Variants in MMP26 observed in about 807,000 individuals in gnomAD.
MMP26 encodes matrix metalloproteinase-26.
A neutral mutation model predicts 31.0 loss-of-function variants in MMP26; 33 were observed. The ratio of observed to expected loss-of-function variants is 1.06; its 90% confidence interval spans 0.81 to 1.42. The LOEUF (loss-of-function observed/expected upper bound fraction) is 1.42, where lower values mean the gene tolerates loss of function less well. Ranked by LOEUF, MMP26 falls within the 40% of genes most tolerant of loss-of-function variation. The pLI is 0.00. For missense variants in MMP26, 347 were observed against 316.1 expected (o/e 1.10, Z -0.74); for synonymous variants, 122 against 114.9 (o/e 1.06, Z -0.40).
At chr11:4,805,452 A>C (rs1410920817) in intron 2 of MMP26, among the ~76,000 whole-genome samples, 2 of 152,210 alleles carry the variant, frequency 1.3e-5, no homozygotes, top group Non-Finnish European at 2.9e-5. Flanking sequence ...TCAACACATA[A>C]ATGTGTGAGT....
At chr11:4,751,615 T>C (rs980809556) in intron 1 of MMP26, among the ~76,000 whole-genome samples, 2 of 152,176 alleles carry the variant, frequency 1.3e-5, no homozygotes, top group African/African-American at 4.8e-5. Flanking sequence ...AAAGAAAGTT[T>C]AAGCCTAAAT....
chr11:4,901,816 G>T (rs1023122994), intron 2 of MMP26, among the ~76,000 whole-genome samples: 1 of 151,962 alleles, frequency 6.6e-6, no homozygotes, highest in East Asian at 1.9e-4. Context: ...TTTCATGCTC[G>T]TCTACCTGAT....
chr11:4,712,899 A>G (rs1050209481), intron 1 of MMP26, among the ~76,000 whole-genome samples: 2 of 151,798 alleles, frequency 1.3e-5, no homozygotes, highest in African/African-American at 2.4e-5. Flanking sequence ...ACTATGGTCT[A>G]TACATTTTGC....
intron 2 of MMP26, among the ~76,000 whole-genome samples, chr11:4,897,932 AAATT>A (rs1381311919): frequency 1.3e-5 from 2 of 148,264 alleles, no homozygotes; most frequent in African/African-American, 2.4e-5. Context: ...TAATAAATAA[AAATT>A]AAATAATAAA....
chr11:4,731,687 T>C (rs1262147169), intron 1 of MMP26, among the ~76,000 whole-genome samples: 3 of 152,228 alleles, frequency 2.0e-5, no homozygotes, highest in Admixed American at 2.0e-4. Context: ...CTTAATCTAA[T>C]GTTAAAGAGT....
At chr11:4,984,635 G>A (rs933741880) in intron 2 of MMP26, among the ~76,000 whole-genome samples, 1 of 152,004 alleles carries the variant, frequency 6.6e-6, no homozygotes, top group Non-Finnish European at 1.5e-5. Flanking sequence ...TGAGCCTACA[G>A]TGTCATTTAT....
At chr11:4,753,790 G>T (rs1482320001) in intron 1 of MMP26, among the ~76,000 whole-genome samples, 1 of 152,140 alleles carries the variant, frequency 6.6e-6, no homozygotes, top group East Asian at 1.9e-4. Context: ...CATTATATAT[G>T]TTTAATAGGG....
intron 1 of MMP26, among the ~76,000 whole-genome samples, chr11:4,721,994 T>C (rs1564894476): frequency 6.6e-6 from 1 of 152,190 alleles, no homozygotes; most frequent in Non-Finnish European, 1.5e-5. Flanking sequence ...TGAAATGTAA[T>C]CCCCAATGGG....
chr11:4,898,809 ATC>A (rs71885228), intron 2 of MMP26, among the ~76,000 whole-genome samples: 1,542 of 143,454 alleles, frequency 0.011, 14 homozygotes, highest in South Asian at 0.021. Context: ...AATTTAAGAA[ATC>A]TCTCTCTCTC....
intron 2 of MMP26, among the ~76,000 whole-genome samples, chr11:4,783,294 C>T (rs1848890429): frequency 6.6e-6 from 1 of 152,204 alleles, no homozygotes; most frequent in Non-Finnish European, 1.5e-5. Flanking sequence ...AGATGGGAGA[C>T]ATAGAGTCAA....
At chr11:4,770,347 G>A (rs10836611) in intron 2 of MMP26, among the ~76,000 whole-genome samples, 28,122 of 152,024 alleles carry the variant, frequency 0.18, 3,934 homozygotes, top group African/African-American at 0.39. Flanking sequence ...GACCATAAGG[G>A]TATGAGTCTG....
chr11:4,872,753 C>G (rs1850328142), intron 2 of MMP26, among the ~76,000 whole-genome samples: 1 of 151,944 alleles, frequency 6.6e-6, no homozygotes, highest in African/African-American at 2.4e-5. Context: ...GGGAAGGACT[C>G]TCAATGCCAC....
intron 1 of MMP26, among the ~76,000 whole-genome samples, chr11:4,729,543 C>T (rs10836540): frequency 0.24 from 36,695 of 151,992 alleles, 4,680 homozygotes; most frequent in Middle Eastern, 0.32. Flanking sequence ...AACTAGAATA[C>T]GGTTAACATG....
At chr11:4,791,353 A>T (rs1849023848) in intron 2 of MMP26, among the ~76,000 whole-genome samples, 2 of 151,996 alleles carry the variant, frequency 1.3e-5, no homozygotes, top group South Asian at 2.1e-4. Flanking sequence ...TCGGAGACCA[A>T]TTTTTTTTCC....
intron 2 of MMP26, among the ~76,000 whole-genome samples, chr11:4,906,149 G>A (rs1850884778): frequency 2.6e-5 from 4 of 152,154 alleles, no homozygotes; most frequent in Admixed American, 2.0e-4. Context: ...GTTTAAGCGA[G>A]GAGGTGCCAC....
intron 2 of MMP26, among the ~76,000 whole-genome samples, chr11:4,922,008 C>T (rs1215057230): frequency 1.3e-5 from 2 of 152,162 alleles, no homozygotes; most frequent in Non-Finnish European, 2.9e-5. Flanking sequence ...TCCCATTCTC[C>T]TACATTTCTG....
At position 4,955,449 on chromosome 11, in the gene MMP26, A is replaced by T. The variant is rs1461165050; in HGVS notation, c.-144-32619A>T. 3 of 1,185,194 alleles carry T rather than the reference A, an allele frequency of 2.5e-6. 1 individual carries two copies. In the African/African-American group the frequency reaches 5.0e-5, roughly 20 times the overall value. The allele number at this position is 1,185,194 out of a possible 1,614,324, so 73.4% of individuals were successfully genotyped here. On this transcript the variant is annotated intron_variant, in intron 2 of 7. Transcript: ENST00000380390. ...CTAGAAGAAGTTTCAGGGGCATTGA[A>T]CAGGAAGATGCTTAACACAGTGGGC...
At chr11:4,804,806 C>CAAAAAA (rs71050431) in intron 2 of MMP26, among the ~76,000 whole-genome samples, 2 of 146,020 alleles carry the variant, frequency 1.4e-5, no homozygotes, top group African/African-American at 2.5e-5. Context: ...CAAAACAAAA[C>CAAAAAA]AAAAAAAAAC....
At chr11:4,729,073 AT>A (rs1365831036) in intron 1 of MMP26, among the ~76,000 whole-genome samples, 3 of 151,648 alleles carry the variant, frequency 2.0e-5, no homozygotes, top group African/African-American at 7.3e-5. Flanking sequence ...AATTGTTCCA[AT>A]TTTTTGCCAT....
Sources: allele counts gnomAD v4.1 joint callset (sites outside exome capture counted in the v4.1 genomes callset), GRCh38; gene constraint gnomAD v4.1.1; transcripts MANE v1.5; gene names NCBI Gene and HGNC (gene_info 2026-07-23, HGNC 2026-07-21).